Variants in NID1 observed in about 807,000 individuals in gnomAD.
The protein encoded by NID1 is nidogen-1.
NID1 carries 76 observed loss-of-function variants against 130.6 expected under a neutral mutation model. That is an observed-to-expected ratio of 0.58 (90% CI 0.48 to 0.70). The LOEUF (loss-of-function observed/expected upper bound fraction) is 0.70, where lower values mean the gene tolerates loss of function less well. Ranked by LOEUF, NID1 falls within the 30% of genes least tolerant of loss-of-function variation. NID1 has a pLI of 0.00. For synonymous variants in NID1, 665 were observed against 675.1 expected, an observed-to-expected ratio of 0.98 and a Z score of 0.23; for missense variants, 1,517 against 1,664.8, an observed-to-expected ratio of 0.91 and a Z score of 1.54.
chr1:236,053,387 C>T (rs900484173), intron 1 of NID1, among the ~76,000 whole-genome samples: 1 of 152,116 alleles, frequency 6.6e-6, no homozygotes, highest in Non-Finnish European at 1.5e-5. Flanking sequence ...AGAACCTATC[C>T]ACAATGTTAA....
At chr1:235,991,719 C>T (rs1444254316) in intron 13 of NID1, among the ~76,000 whole-genome samples, 1 of 152,168 alleles carries the variant, frequency 6.6e-6, no homozygotes, top group Non-Finnish European at 1.5e-5. Context: ...AAGAGCAGCA[C>T]CAGCAGCACC....
In NID1 at chr1:236,045,480, C is replaced by T. The variant is rs2102843057; in HGVS notation, c.729G>A (p.Arg243=). ...NGAYNIFAND[R]ESVENLAKSS... ...ACTTGGCCAAATTTTCAACTGATTC[C>T]CTGTCATTAGCAAATATGTTATAAG... Residue 243 remains arginine (R), a synonymous_variant, in exon 3 of 20, where the codon AGG becomes AGA. Coordinates refer to ENST00000264187, the MANE Select transcript of NID1 (RefSeq NM_002508.3). 3 of 1,613,974 alleles carry T rather than the reference C, an allele frequency of 1.9e-6. No individual in the cohort carries two copies. Among genetic ancestry groups the T allele is most frequent in the Non-Finnish European group, 2.5e-6 (3 of 1,179,978 alleles).
rs539473739 is a variant in NID1 at position 235,984,383 on chromosome 1, A to G, written c.3055+996T>C. Among the ~76,000 whole-genome samples, 3 of 152,324 alleles carry G rather than the reference A, an allele frequency of 2.0e-5. No individual in the cohort carries two copies. In the South Asian group the frequency reaches 6.2e-4, roughly 32 times the overall value. On this transcript the variant is annotated intron_variant, in intron 15 of 19. Transcript: ENST00000264187. Reference sequence around the variant, plus strand: ...ACCTCAGCTTCATTCCTGCCGCATCATCTTTACTGAAGGCAACAAAGAAGG... The same window carrying G: ...ACCTCAGCTTCATTCCTGCCGCATCGTCTTTACTGAAGGCAACAAAGAAGG...
Position 236,029,763 on chromosome 1 carries a change from A to T in NID1, c.1538-13T>A. On this transcript the variant is annotated splice_polypyrimidine_tract_variant and intron_variant, in intron 6 of 19. Coordinates refer to ENST00000264187, the MANE Select transcript of NID1 (RefSeq NM_002508.3). ...GTGAACTCACCCCCTGAAAAACAAG[A>T]TGAGACTGTCACTTTGCTGACTGGG... is the stretch of plus-strand genomic sequence containing the variant. 1 of 1,613,802 alleles carries T rather than the reference A, an allele frequency of 6.2e-7. No homozygotes were observed. Among genetic ancestry groups the T allele is most frequent in the Non-Finnish European group, 8.5e-7 (1 of 1,179,848 alleles).
chr1:236,015,821 C>T (rs138848347), intron 10 of NID1, among the ~76,000 whole-genome samples: 38 of 151,926 alleles, frequency 2.5e-4, no homozygotes, highest in Non-Finnish European at 4.4e-4. Context: ...GGAACTGAGC[C>T]CCAGAGAGGT....
chr1:236,031,734 A>AT (rs1376339464), intron 6 of NID1, among the ~76,000 whole-genome samples: 2 of 152,206 alleles, frequency 1.3e-5, no homozygotes, highest in Non-Finnish European at 2.9e-5. Context: ...GGTCTCCAGC[A>AT]TGCAAAGGTT....
chr1:235,976,302 G>A lies in NID1; in HGVS notation c.*1565C>T. The A allele has an allele frequency of 6.6e-6, 1 of 152,170 alleles. No individual in the cohort carries two copies. Among genetic ancestry groups the A allele is most frequent in the East Asian group, 1.9e-4 (1 of 5,200 alleles). The allele number at this position is 152,170 out of a possible 1,614,324, so 9.4% of individuals were successfully genotyped here. ...ACTGGGGTTTGAGGAAAAGAGGAGA[G>A]ACTCTTTTCCCCAAAGAGAGTATCA... is the stretch of plus-strand genomic sequence containing the variant. On this transcript the variant is annotated 3_prime_UTR_variant, in exon 20 of 20. Coordinates refer to ENST00000264187, the MANE Select transcript of NID1 (RefSeq NM_002508.3).
chr1:236,040,146 A>G (rs1416366078), intron 4 of NID1, among the ~76,000 whole-genome samples: 1 of 152,160 alleles, frequency 6.6e-6, no homozygotes, highest in Non-Finnish European at 1.5e-5. Flanking sequence ...AAGGGTGGAG[A>G]CAGGATGGAA....
At position 236,026,098 on chromosome 1, in the gene NID1, G is replaced by C. The variant is rs201146842; in HGVS notation, c.1782C>G (p.Pro594=). Residue 594 remains proline (P), a synonymous_variant, in exon 8 of 20, where the codon CCC becomes CCG. Transcript: ENST00000264187. ...GTGAAGGAGATGCCCCATCTCGCTC[G>C]GGCTCAGTCACCGTGTACTCCCGGG... ...SSTREYTVTE[P]ERDGASPSRI... 6.2e-7 allele frequency: 1 copy of C among 1,613,954 alleles called. No homozygotes were observed. The highest frequency in any genetic ancestry group is 8.5e-7 in the Non-Finnish European group (1 of 1,179,974).
chr1:236,065,012 G>T lies in NID1; in HGVS notation c.68C>A (p.Ala23Glu). ...TRALLLPLLL[A>E]GPVGCLSRQE... ...GCGGCTCAGGCAGCCCACAGGCCCC[G>T]CCAGCAGCAGCGGCAGCAGCAGCGC... Residue 23 changes from alanine to glutamate, a missense_variant, in exon 1 of 20, where the codon GCG becomes GAG. Around this residue, in one of 3 missense-constraint regions of NID1, gnomAD observed 1,329 missense variants for 1,429.2 expected, o/e 0.93. Coordinates refer to ENST00000264187, the MANE Select transcript of NID1 (RefSeq NM_002508.3). This position sits in a 1 kb window ranked among gnomAD's most constrained non-coding sequence, Gnocchi z 4.1. The T allele has an allele frequency of 1.3e-6, 2 of 1,562,508 alleles. No individual in the cohort carries two copies. Among genetic ancestry groups the T allele is most frequent in the Admixed American group, 1.9e-5 (1 of 52,548 alleles).
chr1:236,042,429 C>T (rs1344074506), intron 3 of NID1, 137 bp from the exon 4 acceptor site: 2 of 1,115,414 alleles, frequency 1.8e-6, no homozygotes, highest in African/African-American at 1.6e-5. Flanking sequence ...AGTGGAAGGG[C>T]ACTGGCCGTC....
In NID1 at chr1:236,032,645, G is replaced by C. The variant is rs1211492344; in HGVS notation, c.1293C>G (p.Pro431=). The change falls in exon 6 of 20, where the codon CCC becomes CCG. Residue 431 remains proline, a synonymous_variant. Coordinates refer to ENST00000264187, the MANE Select transcript of NID1 (RefSeq NM_002508.3). The stretch of plus-strand genomic sequence containing the variant: ...CTTTCACCTTGCCATTGACTCGCTG[G>C]GGGGAACCTGAGCAAGAAAACAAAG... The part of the protein sequence containing the change: ...NGRQCVAEGS[P]QRVNGKVKGR... 5.0e-6 allele frequency: 8 copies of C among 1,613,930 alleles called. No individual in the cohort carries two copies. The Admixed American group carries it at 6.7e-5, about 13-fold the overall frequency.
At position 236,013,425 on chromosome 1, in the gene NID1, C is replaced by A; in HGVS notation, c.2390G>T (p.Gly797Val). The change falls in exon 11 of 20, where the codon GGC becomes GTC. Residue 797 changes from glycine (G) to valine (V), a missense_variant. Gly to Val is a moderately radical substitution (Grantham distance 109, BLOSUM62 -3). Around this residue, in one of 3 missense-constraint regions of NID1, gnomAD observed 1,329 missense variants for 1,429.2 expected, o/e 0.93. Transcript: ENST00000264187. ...CAACCACACACCTTGGCAGGCTTGG[C>A]CATCCCCAGAAAAGCCTGGCAAGCA... ...CSCLPGFSGDGQACQDVDECQ... is the reference protein window; with the variant it reads ...CSCLPGFSGDVQACQDVDECQ... The A allele has an allele frequency of 1.9e-6, 3 of 1,613,774 alleles. No homozygotes were observed. In the South Asian group the frequency reaches 3.3e-5, roughly 18 times the overall value.
At position 236,026,118 on chromosome 1, in the gene NID1, C is replaced by T. The variant is rs768571804; in HGVS notation, c.1762G>A (p.Glu588Lys). ...CGCTCGGGCTCAGTCACCGTGTACT[C>T]CCGGGTGGAGGAGGAAGTGATCACT... is the stretch of plus-strand genomic sequence containing the variant. Reference protein sequence around the residue: ...TSVITSSSTREYTVTEPERDG... With the variant: ...TSVITSSSTRKYTVTEPERDG... The change falls in exon 8 of 20, where the codon GAG becomes AAG. Residue 588 changes from glutamate (E) to lysine (K), a missense_variant. Coordinates refer to ENST00000264187, the MANE Select transcript of NID1 (RefSeq NM_002508.3). The T allele has an allele frequency of 4.3e-6, 7 of 1,613,798 alleles. No homozygotes were observed. The highest frequency in any genetic ancestry group is 5.9e-6 in the Non-Finnish European group (7 of 1,179,934).
At chr1:236,006,165 T>C (rs1471395024) in intron 12 of NID1, among the ~76,000 whole-genome samples, 5 of 152,172 alleles carry the variant, frequency 3.3e-5, no homozygotes, top group African/African-American at 1.2e-4. Context: ...TGAATAGAAT[T>C]AGACTATCAC....
At position 236,037,055 on chromosome 1, in the gene NID1, G is replaced by A. The variant is rs923983152; in HGVS notation, c.1285+1049C>T. ...ATTCCAGCCTCCCAGATGGTGCACC[G>A]AGTGAACATTACCAGGACCCCCAGA... is the stretch of plus-strand genomic sequence containing the variant. On this transcript the variant is annotated intron_variant, in intron 5 of 19. Transcript: ENST00000264187. Among the ~76,000 whole-genome samples the A allele has an allele frequency of 4.7e-4, 71 of 152,226 alleles. 1 individual carries two copies. Among genetic ancestry groups the A allele is most frequent in the Admixed American group, 2.1e-3 (32 of 15,276 alleles).
At position 235,993,964 on chromosome 1, in the gene NID1, G is replaced by A. The variant is rs554294991; in HGVS notation, c.2528-92C>T. The stretch of plus-strand genomic sequence containing the variant: ...TGCAGGAGTCCCCGCAGCTCGCTCA[G>A]AACCACGAGGGCTGCCTGTGTGTCA... On this transcript the variant is annotated intron_variant, in intron 12 of 19. Transcript: ENST00000264187. 12 of 1,150,904 alleles carry A rather than the reference G, an allele frequency of 1.0e-5. No individual in the cohort carries two copies. In the Admixed American group the frequency reaches 2.1e-4, roughly 20 times the overall value. 71.3% of individuals were successfully genotyped at this position (1,150,904 alleles called of 1,614,324 possible). A position where few individuals can be genotyped will look rare whatever the true frequency, so the allele number is the denominator to read the frequency against.
chr1:235,999,331 T>C (rs1558426997), intron 12 of NID1, among the ~76,000 whole-genome samples: 1 of 152,190 alleles, frequency 6.6e-6, no homozygotes, highest in East Asian at 1.9e-4. Flanking sequence ...CAGTGGAACT[T>C]TGAAGTACTG....
At chr1:236,031,836 C>T (rs552067175) in intron 6 of NID1, among the ~76,000 whole-genome samples, 1 of 152,326 alleles carries the variant, frequency 6.6e-6, no homozygotes, top group African/African-American at 2.4e-5. Flanking sequence ...AAAGACTGAA[C>T]CTTCCTCAAT....
Sources: gnomAD v4.1 joint callset for allele counts (sites outside exome capture counted in the v4.1 genomes callset) on GRCh38, gnomAD v4.1.1 for gene constraint, gnomAD v4.1.1 regional missense constraint, Gnocchi (gnomAD v3.1) non-coding constraint, MANE v1.5 for transcripts, NCBI Gene and HGNC (gene_info 2026-07-23, HGNC 2026-07-21) for gene names.